The following MRPL13 variants were observed in gnomAD, a reference collection of about 807,000 sequenced individuals.
MRPL13 encodes mitochondrial ribosomal protein L13.
MRPL13 carries 33 observed loss-of-function variants against 29.0 expected under a neutral mutation model. The observed-to-expected ratio is 1.14, with a 90% CI of 0.86 to 1.52. The LOEUF (loss-of-function observed/expected upper bound fraction) is 1.52. Ranked by LOEUF, MRPL13 falls within the 40% of genes most tolerant of loss-of-function variation. The pLI is 0.00. For synonymous variants in MRPL13, 77 were observed against 68.4 expected (o/e 1.13, Z -0.62); for missense variants, 227 against 216.7 (o/e 1.05, Z -0.30).
At chr8:120,421,568 T>C (rs1001848528) in intron 4 of MRPL13, among the ~76,000 whole-genome samples, 2 of 151,758 alleles carry the variant, frequency 1.3e-5, no homozygotes, top group South Asian at 2.1e-4. Flanking sequence ...GAATTAAAAG[T>C]AAATAATAAA....
At chr8:120,432,233 A>T in intron 2 of MRPL13, 110 bp from the exon 3 acceptor site, 1 of 730,074 alleles carries the variant, frequency 1.4e-6, no homozygotes, top group South Asian at 3.2e-5. Flanking sequence ...ATTAAAAAAT[A>T]AAAAGCAAGT....
intron 5 of MRPL13, among the ~76,000 whole-genome samples, chr8:120,419,233 A>G (rs1812840888): frequency 2.0e-5 from 3 of 152,160 alleles, no homozygotes; most frequent in South Asian, 4.1e-4. Context: ...ATAATGGGGC[A>G]CAGATTCAAA....
chr8:120,421,044 G>A (rs1812867243), intron 4 of MRPL13, among the ~76,000 whole-genome samples: 1 of 151,822 alleles, frequency 6.6e-6, no homozygotes, highest in Non-Finnish European at 1.5e-5. Context: ...AATTCTAGCT[G>A]TACAGACATT....
At chr8:120,408,896 C>T (rs1812709773) in intron 6 of MRPL13, among the ~76,000 whole-genome samples, 1 of 152,182 alleles carries the variant, frequency 6.6e-6, no homozygotes, top group African/African-American at 2.4e-5. Flanking sequence ...AGAGGATGCT[C>T]ACCAATGCAG....
At chr8:120,398,357 C>G (rs1020020861) in intron 6 of MRPL13, among the ~76,000 whole-genome samples, 1 of 152,154 alleles carries the variant, frequency 6.6e-6, no homozygotes, top group East Asian at 1.9e-4. Flanking sequence ...AAAACTGAAA[C>G]AACTAGGGTC....
At chr8:120,406,577 G>GTA (rs1369239406) in intron 6 of MRPL13, among the ~76,000 whole-genome samples, 1 of 151,108 alleles carries the variant, frequency 6.6e-6, no homozygotes, top group East Asian at 1.9e-4. Context: ...GTGTGTGTGT[G>GTA]TGTGTGTGTG....
chr8:120,401,719 T>C (rs1281753739), intron 6 of MRPL13, among the ~76,000 whole-genome samples: 1 of 152,188 alleles, frequency 6.6e-6, no homozygotes, highest in Non-Finnish European at 1.5e-5. Context: ...TACCTCTGTT[T>C]GCAGATGACA....
chr8:120,402,978 T>C (rs1563770378), intron 6 of MRPL13, among the ~76,000 whole-genome samples: 2 of 152,034 alleles, frequency 1.3e-5, no homozygotes, highest in Admixed American at 1.3e-4. Flanking sequence ...AGAATGGAAA[T>C]TATTAAAAAG....
intron 6 of MRPL13, among the ~76,000 whole-genome samples, chr8:120,406,480 G>A (rs976447926): frequency 2.6e-5 from 4 of 151,796 alleles, no homozygotes; most frequent in Admixed American, 6.6e-5. Context: ...TGTGGGCGCC[G>A]GGAATAAAGT....
chr8:120,443,190 G>A lies in MRPL13; in HGVS notation c.146C>T (p.Ala49Val). Residue 49 changes from alanine to valine, a missense_variant, in exon 2 of 7, where the codon GCA becomes GTA. Physicochemically the swap from Ala to Val is moderately conservative, Grantham distance 64 (BLOSUM62 0). Coordinates refer to ENST00000306185, the MANE Select transcript of MRPL13 (RefSeq NM_014078.6). ...AGGTCTAAAATAATACTTACTCAGT[G>A]CATGGTACACAGGTTTATGTAATCC... ...LQGLHKPVYH[A>V]LSDCGDHVVI... The A allele has an allele frequency of 6.3e-7, 1 of 1,574,852 alleles. No homozygotes were observed. The highest frequency in any genetic ancestry group is 8.6e-7 in the Non-Finnish European group (1 of 1,163,984).
At chr8:120,396,200 C>A in intron 6 of MRPL13, 75 bp from the exon 7 acceptor site, 2 of 1,149,382 alleles carry the variant, frequency 1.7e-6, no homozygotes, top group South Asian at 1.5e-5. Flanking sequence ...ATTATTTTTC[C>A]AATTTAAAAT....
intron 3 of MRPL13, among the ~76,000 whole-genome samples, chr8:120,429,167 A>G (rs1364229508): frequency 6.6e-6 from 1 of 151,518 alleles, no homozygotes; most frequent in Non-Finnish European, 1.5e-5. Context: ...ACATAGCCAT[A>G]AAAAAAAGAA....
At chr8:120,419,410 G>T (rs894267814) in intron 5 of MRPL13, among the ~76,000 whole-genome samples, 1 of 151,884 alleles carries the variant, frequency 6.6e-6, no homozygotes, top group Non-Finnish European at 1.5e-5. Flanking sequence ...CTATGAGTAT[G>T]AACAAGTATT....
intron 6 of MRPL13, among the ~76,000 whole-genome samples, chr8:120,397,363 G>A (rs201588867): frequency 1.3e-5 from 2 of 152,212 alleles, no homozygotes; most frequent in East Asian, 3.9e-4. Context: ...GGAGCCAAGC[G>A]GTGTTGTTCT....
At chr8:120,401,956 C>T (rs1005880170) in intron 6 of MRPL13, among the ~76,000 whole-genome samples, 3 of 152,086 alleles carry the variant, frequency 2.0e-5, no homozygotes, top group African/African-American at 7.2e-5. Flanking sequence ...AATTAAGGAC[C>T]TCTTCAAGGA....
At position 120,445,055 on chromosome 8, in the gene MRPL13, A is replaced by G; in HGVS notation, c.27+13T>C. On this transcript the variant is annotated intron_variant, in intron 1 of 6. Coordinates refer to ENST00000306185, the MANE Select transcript of MRPL13 (RefSeq NM_014078.6). ...ATAATGAACCCCATCAAGCCATAAG[A>G]GTCCGAGCTCACCTGGGGCGCCCTA... 1 of 1,613,936 alleles carries G rather than the reference A, an allele frequency of 6.2e-7. No homozygotes were observed. The highest frequency in any genetic ancestry group is 8.5e-7 in the Non-Finnish European group (1 of 1,179,898).
At chr8:120,413,730 A>G (rs1028376454) in intron 6 of MRPL13, among the ~76,000 whole-genome samples, 1 of 152,184 alleles carries the variant, frequency 6.6e-6, no homozygotes, top group African/African-American at 2.4e-5. Context: ...CCTAAAGACT[A>G]CCATCAGCCC....
chr8:120,413,427 G>A (rs1481619350), intron 6 of MRPL13, among the ~76,000 whole-genome samples: 1 of 152,148 alleles, frequency 6.6e-6, no homozygotes, highest in Non-Finnish European at 1.5e-5. Flanking sequence ...AGGAAGGACT[G>A]CCTGAGGAAG....
intron 6 of MRPL13, among the ~76,000 whole-genome samples, chr8:120,398,967 A>G (rs932304019): frequency 6.6e-6 from 1 of 152,052 alleles, no homozygotes; most frequent in Non-Finnish European, 1.5e-5. Flanking sequence ...AATGAAAAGG[A>G]ATGAACAAAA....
Sources: gnomAD v4.1 joint callset for allele counts (sites outside exome capture counted in the v4.1 genomes callset) on GRCh38, gnomAD v4.1.1 for gene constraint, MANE v1.5 for transcripts, NCBI Gene and HGNC (gene_info 2026-07-23, HGNC 2026-07-21) for gene names.